PPFIA2: variants seen among roughly 807,000 people sequenced by gnomAD.
PPFIA2 encodes the protein liprin-alpha-2.
A neutral mutation model predicts 175.5 loss-of-function variants in PPFIA2; 46 were observed. The ratio of observed to expected loss-of-function variants is 0.26; its 90% CI spans 0.21 to 0.34. The LOEUF is 0.34. Ranked by LOEUF, PPFIA2 falls within the 10% of genes least tolerant of loss-of-function variation. The probability of loss-of-function intolerance (pLI) is 1.00; values close to 1 mark genes in which losing one functional copy is unlikely to be tolerated. For missense variants in PPFIA2, 1,179 were observed against 1,506.1 expected (o/e 0.78, Z 3.60); for synonymous variants, 568 against 511.4 (o/e 1.11, Z -1.49).
chr12:81,379,201 T>C (rs2037080639), intron 9 of PPFIA2, among the ~76,000 whole-genome samples: 2 of 152,146 alleles, frequency 1.3e-5, no homozygotes, highest in African/African-American at 2.4e-5. Flanking sequence ...CCTCTGTCAT[T>C]TGAAAAATTC....
chr12:81,712,335 C>T (rs1289972042), intron 3 of PPFIA2, among the ~76,000 whole-genome samples: 2 of 151,192 alleles, frequency 1.3e-5, no homozygotes, highest in Admixed American at 6.8e-5. Flanking sequence ...GAGTTTGATA[C>T]AAAGTACTTA....
intron 4 of PPFIA2, among the ~76,000 whole-genome samples, chr12:81,506,893 A>G (rs2061233593): frequency 6.6e-6 from 1 of 152,218 alleles, no homozygotes; most frequent in Admixed American, 6.5e-5. Flanking sequence ...TATTTACAAA[A>G]ACAGGTAGCA....
At chr12:81,633,541 A>T (rs1165255662) in intron 4 of PPFIA2, among the ~76,000 whole-genome samples, 1 of 150,438 alleles carries the variant, frequency 6.6e-6, no homozygotes, top group Non-Finnish European at 1.5e-5. Context: ...TAGGCAGGAC[A>T]GCAAAAAAAA....
chr12:81,661,829 C>A (rs542142535), intron 4 of PPFIA2, among the ~76,000 whole-genome samples: 150 of 152,250 alleles, frequency 9.9e-4, no homozygotes, highest in Admixed American at 5.6e-3. Context: ...TCTAAAAGAA[C>A]AGAAATTATA....
intron 28 of PPFIA2, chr12:81,270,539 A>G (rs1283297249): frequency 6.6e-6 from 1 of 152,216 alleles, no homozygotes; most frequent in East Asian, 1.9e-4. Context: ...GGAGAGCATT[A>G]TGTGACTATG....
At chr12:81,585,359 T>C (rs2153434522) in intron 4 of PPFIA2, among the ~76,000 whole-genome samples, 1 of 151,772 alleles carries the variant, frequency 6.6e-6, no homozygotes, top group African/African-American at 2.4e-5. Flanking sequence ...TGTTTTACTT[T>C]ATAAACTTTA....
chr12:81,444,566 G>T (rs2050867290), intron 6 of PPFIA2, among the ~76,000 whole-genome samples: 1 of 151,928 alleles, frequency 6.6e-6, no homozygotes, highest in South Asian at 2.1e-4. Context: ...AAATAAAAAT[G>T]AGATACAATT....
At position 81,642,845 on chromosome 12, in the gene PPFIA2, A is replaced by ATG. The variant is rs1491366153; in HGVS notation, c.303+33945_303+33946insCA. ...GTATATGTATGTATGTATTACATAC[A>ATG]TATATAACATGTATTACATATGTGT... On this transcript the variant is annotated intron_variant, in intron 4 of 32. Coordinates refer to ENST00000549396, the MANE Select transcript of PPFIA2 (RefSeq NM_003625.5). 1.2e-4 allele frequency among the ~76,000 whole-genome samples: 17 copies of ATG among 137,776 alleles called. 1 individual carries two copies. The highest frequency in any genetic ancestry group is 2.0e-4 in the Non-Finnish European group (13 of 64,450). The allele number at this position is 137,776 out of a possible 152,430, so 90.4% of individuals were successfully genotyped here. A position where few individuals can be genotyped will look rare whatever the true frequency, so the allele number is the denominator to read the frequency against.
intron 7 of PPFIA2, among the ~76,000 whole-genome samples, chr12:81,408,699 A>G (rs2043360708): frequency 6.6e-6 from 1 of 152,232 alleles, no homozygotes; most frequent in South Asian, 2.1e-4. Context: ...CAAGTTTGCT[A>G]CAGTGTATAC....
chr12:81,666,156 G>C (rs1009387223), intron 4 of PPFIA2, among the ~76,000 whole-genome samples: 3 of 152,168 alleles, frequency 2.0e-5, no homozygotes, highest in African/African-American at 7.2e-5. Flanking sequence ...CTTCTACACT[G>C]TTGGTGGGAC....
intron 4 of PPFIA2, among the ~76,000 whole-genome samples, chr12:81,467,463 C>T (rs1000298472): frequency 7.9e-5 from 12 of 152,112 alleles, no homozygotes; most frequent in Admixed American, 1.3e-4. Context: ...CCAAGGCGAG[C>T]GGATTACCTG....
intron 4 of PPFIA2, among the ~76,000 whole-genome samples, chr12:81,667,609 C>A (rs1179803923): frequency 6.6e-6 from 1 of 152,010 alleles, no homozygotes; most frequent in Admixed American, 6.6e-5. Context: ...TAACAGATCC[C>A]AAATAAATAA....
chr12:81,304,195 T>A (rs777913873), intron 22 of PPFIA2, among the ~76,000 whole-genome samples: 1 of 152,204 alleles, frequency 6.6e-6, no homozygotes. Flanking sequence ...ATTTTCTCTA[T>A]AGTATCTTTT....
intron 4 of PPFIA2, among the ~76,000 whole-genome samples, chr12:81,592,262 C>T (rs1196415999): frequency 1.3e-5 from 2 of 152,132 alleles, no homozygotes; most frequent in African/African-American, 4.8e-5. Flanking sequence ...GTTGATTTTA[C>T]AGGCTCATAG....
intron 4 of PPFIA2, among the ~76,000 whole-genome samples, chr12:81,489,916 G>T (rs1431554384): frequency 1.3e-5 from 2 of 151,834 alleles, no homozygotes; most frequent in South Asian, 2.1e-4. Context: ...AAGGCCAATT[G>T]AATATTCCCT....
chr12:81,404,183 G>A (rs1206696760), intron 8 of PPFIA2, among the ~76,000 whole-genome samples: 1 of 152,090 alleles, frequency 6.6e-6, no homozygotes, highest in Non-Finnish European at 1.5e-5. Flanking sequence ...AACACTTCAA[G>A]TATGAAATAA....
chr12:81,592,947 G>T (rs147626880), intron 4 of PPFIA2, among the ~76,000 whole-genome samples: 2 of 151,752 alleles, frequency 1.3e-5, no homozygotes, highest in Non-Finnish European at 2.9e-5. Flanking sequence ...TGATAGAGAC[G>T]GGGTTTCTCT....
chr12:81,502,117 T>C (rs2147436127), intron 4 of PPFIA2, among the ~76,000 whole-genome samples: 2 of 152,250 alleles, frequency 1.3e-5, no homozygotes, highest in South Asian at 4.1e-4. Flanking sequence ...CTTTTCTCAT[T>C]ATGAGAAGAT....
chr12:81,644,714 A>G (rs1734420548), intron 4 of PPFIA2, among the ~76,000 whole-genome samples: 1 of 152,098 alleles, frequency 6.6e-6, no homozygotes, highest in South Asian at 2.1e-4. Flanking sequence ...TGTTCCCACA[A>G]GGTGGTGCTC....
Sources: allele counts gnomAD v4.1 joint callset (sites outside exome capture counted in the v4.1 genomes callset), GRCh38; gene constraint gnomAD v4.1.1; transcripts MANE v1.5; gene names NCBI Gene and HGNC (gene_info 2026-07-23, HGNC 2026-07-21).